The following TRRAP variants were observed in gnomAD, a reference collection of about 807,000 sequenced individuals.
TRRAP encodes transformation/transcription domain-associated protein.
TRRAP carries 41 observed loss-of-function variants against 438.8 expected under a neutral mutation model. The ratio of observed to expected loss-of-function variants is 0.09; its 90% CI spans 0.07 to 0.12. TRRAP has a LOEUF of 0.12. Ranked by LOEUF, TRRAP falls within the 10% of genes least tolerant of loss-of-function variation. TRRAP has a pLI of 1.00. For synonymous variants in TRRAP, 1,994 were observed against 1,962.9 expected (o/e 1.02, Z -0.42); for missense variants, 3,122 against 5,055.1 (o/e 0.62, Z 11.60).
chr7:98,973,025 G>A (rs1184406118), intron 53 of TRRAP, among the ~76,000 whole-genome samples: 1 of 152,128 alleles, frequency 6.6e-6, no homozygotes, highest in African/African-American at 2.4e-5. Flanking sequence ...TGTTGCTCAG[G>A]CTGGAGTATA....
At position 98,958,042 on chromosome 7, in the gene TRRAP, A is replaced by G. The variant is rs782276979; in HGVS notation, c.6293A>G (p.Lys2098Arg). The change falls in exon 44 of 73, where the codon AAG (lysine) becomes AGG (arginine). Residue 2098 changes from lysine to arginine, a missense_variant. By Grantham distance (26) the Lys-to-Arg change is conservative (BLOSUM62 2). Around this residue, in one of 24 missense-constraint regions of TRRAP, gnomAD observed 992 missense variants for 1,281.2 expected, o/e 0.77. Coordinates refer to ENST00000456197, the MANE Select transcript of TRRAP (RefSeq NM_001375524.1). ...ADSLLAKPID[K>R]QHTDTVVNFL... ...TCTCTCCTCGCCAAGCCCATTGACAAGCAGCACACAGACACTGTGGTGAAC... is the reference window on the plus strand; with the variant it reads ...TCTCTCCTCGCCAAGCCCATTGACAGGCAGCACACAGACACTGTGGTGAAC... 3 of 1,614,206 alleles carry G rather than the reference A, an allele frequency of 1.9e-6. No individual in the cohort carries two copies. The highest frequency in any genetic ancestry group is 1.1e-5 in the South Asian group (1 of 91,080).
Position 98,959,462 on chromosome 7 carries a change from A to C in TRRAP, c.6461A>C (p.Gln2154Pro). The change falls in exon 45 of 73, where the codon CAG becomes CCG. Residue 2154 changes from glutamine (Q) to proline (P), a missense_variant. Around this residue, in one of 24 missense-constraint regions of TRRAP, gnomAD observed 992 missense variants for 1,281.2 expected, o/e 0.77. Transcript: ENST00000456197. ...DMWPKSELKL[Q>P]WFDKLLMTVE... ...TGGCCCAAGTCCGAACTCAAGCTGC[A>C]GTGGTTCGACAAGCTGCTGATGACT... is the stretch of plus-strand genomic sequence containing the variant. 1 of 1,613,864 alleles carries C rather than the reference A, an allele frequency of 6.2e-7. No individual in the cohort carries two copies. Among genetic ancestry groups the C allele is most frequent in the Non-Finnish European group, 8.5e-7 (1 of 1,179,940 alleles).
intron 23 of TRRAP, 75 bp from the exon 24 acceptor site, chr7:98,929,914 C>G: frequency 2.0e-6 from 3 of 1,509,640 alleles, no homozygotes; most frequent in Non-Finnish European, 2.7e-6. Context: ...TTTCTAACTT[C>G]AAGGAAAACA....
Position 98,948,789 on chromosome 7 carries a change from C to T in TRRAP, c.4788+104C>T. 6.5e-7 allele frequency: 1 copy of T among 1,547,262 alleles called. No homozygotes were observed. Among genetic ancestry groups the T allele is most frequent in the Non-Finnish European group, 8.7e-7 (1 of 1,146,798 alleles). ...ATTTCACTATTCAGTGTCCTGGCTGCTTTTTTTTCAGATCCATTTGAATAT... is the reference window on the plus strand; with the variant it reads ...ATTTCACTATTCAGTGTCCTGGCTGTTTTTTTTTCAGATCCATTTGAATAT... On this transcript the variant is annotated intron_variant, in intron 35 of 72. Transcript: ENST00000456197. This position sits in a 1 kb window ranked among gnomAD's most constrained non-coding sequence, Gnocchi z 4.9.
chr7:98,890,800 TTTTTTA>T (rs1429797949), intron 4 of TRRAP, among the ~76,000 whole-genome samples: 3 of 129,224 alleles, frequency 2.3e-5, no homozygotes, highest in Non-Finnish European at 4.6e-5. Flanking sequence ...TTTTTTTTTT[TTTTTTA>T]AAAGACAAGG....
At chr7:98,893,503 T>G (rs1455080856) in intron 5 of TRRAP, among the ~76,000 whole-genome samples, 4 of 152,222 alleles carry the variant, frequency 2.6e-5, no homozygotes, top group African/African-American at 9.6e-5. Context: ...TTCACAATAT[T>G]GTCCAACAAT....
At chr7:98,955,042 C>G (rs1183636072) in intron 40 of TRRAP, 56 bp from the exon 41 acceptor site, 97 of 1,546,674 alleles carry the variant, frequency 6.3e-5, no homozygotes, top group Non-Finnish European at 8.2e-5. Context: ...GGATTGTCTT[C>G]TTATTTCTTA....
chr7:98,883,890 C>T (rs1338801386), intron 3 of TRRAP, among the ~76,000 whole-genome samples: 1 of 152,176 alleles, frequency 6.6e-6, no homozygotes, highest in Non-Finnish European at 1.5e-5. Flanking sequence ...TTATCTCCCT[C>T]GGAAGAATGT....
At chr7:98,931,756 A>G in intron 26 of TRRAP, 91 bp downstream of exon 26, 4 of 1,531,504 alleles carry the variant, frequency 2.6e-6, no homozygotes, top group Non-Finnish European at 3.5e-6. Flanking sequence ...TCCGTTTATA[A>G]TTTTGTGTCT....
Position 98,976,476 on chromosome 7 carries a change from G to A in TRRAP, c.7960-7G>A. The A allele has an allele frequency of 3.1e-6, 5 of 1,604,924 alleles. No individual in the cohort carries two copies. The highest frequency in any genetic ancestry group is 3.4e-6 in the Non-Finnish European group (4 of 1,177,498). On this transcript the variant is annotated splice_region_variant and splice_polypyrimidine_tract_variant and intron_variant, in intron 54 of 72. Coordinates refer to ENST00000456197, the MANE Select transcript of TRRAP (RefSeq NM_001375524.1). The surrounding 1 kb of genome is among the most constrained non-coding windows in gnomAD (Gnocchi z 4.6). The stretch of plus-strand genomic sequence containing the variant: ...GAAGGCCTAAATGACATGTGCTTTG[G>A]TTTCAGGCACTCGCGGGTGAGATAA...
intron 58 of TRRAP, 102 bp from the exon 59 acceptor site, chr7:98,981,667 G>GCATA: frequency 8.2e-7 from 1 of 1,218,092 alleles, no homozygotes; most frequent in Non-Finnish European, 1.1e-6. Flanking sequence ...GTATTGCCTT[G>GCATA]CATACCTAGT....
At chr7:98,906,396 TTTTTGTTTTATTTATTTA>T (rs1477328370) in intron 13 of TRRAP, 141 bp downstream of exon 13, 25 of 362,336 alleles carry the variant, frequency 6.9e-5, no homozygotes, top group Non-Finnish European at 9.4e-5. Flanking sequence ...AGGATTTTTG[TTTTTGTTTTATTTATTTA>T]TTTATTTATT....
chr7:98,892,810 C>T (rs1192593907), intron 5 of TRRAP, among the ~76,000 whole-genome samples: 1 of 152,216 alleles, frequency 6.6e-6, no homozygotes, highest in Non-Finnish European at 1.5e-5. Context: ...CGCAGACGCC[C>T]AGTGAGTGGC....
At chr7:98,892,554 C>T (rs373471505) in intron 5 of TRRAP, 26 bp downstream of exon 5, 44 of 1,521,282 alleles carry the variant, frequency 2.9e-5, no homozygotes, top group African/African-American at 2.4e-4. Flanking sequence ...TAATTCTTGT[C>T]GTATAGCCGT....
chr7:98,893,931 C>G (rs782019057), intron 6 of TRRAP, 50 bp downstream of exon 6: 3 of 1,568,862 alleles, frequency 1.9e-6, no homozygotes, highest in Non-Finnish European at 2.6e-6. Flanking sequence ...TCAACATGTT[C>G]CTTCTGTGAA....
chr7:98,926,167 G>A (rs367699696), intron 22 of TRRAP, among the ~76,000 whole-genome samples: 2 of 152,148 alleles, frequency 1.3e-5, no homozygotes, highest in South Asian at 2.1e-4. Context: ...GAGACATGAA[G>A]AGTAGAGGGA....
At position 98,948,663 on chromosome 7, in the gene TRRAP, C is replaced by G; in HGVS notation, c.4766C>G (p.Pro1589Arg). The change falls in exon 35 of 73, where the codon CCC becomes CGC. Residue 1589 changes from proline to arginine, a missense_variant. Pro to Arg is a moderately radical substitution (Grantham distance 103, BLOSUM62 -2). This residue lies in a region of TRRAP where 108 missense variants were observed against 256.9 expected (regional missense o/e 0.42). Transcript: ENST00000456197. The surrounding 1 kb of genome is among the most constrained non-coding windows in gnomAD (Gnocchi z 4.9). ...ATGATGGAAGCCACACTGAACGATC[C>G]CCAGTGGAGCAGAATGTTTATGGTA... ...LFMMEATLND[P>R]QWSRMFMSFL... 6.2e-7 allele frequency: 1 copy of G among 1,614,186 alleles called. No homozygotes were observed. The highest frequency in any genetic ancestry group is 1.1e-5 in the South Asian group (1 of 91,082).
intron 14 of TRRAP, among the ~76,000 whole-genome samples, chr7:98,909,243 C>T (rs1375522806): frequency 2.6e-5 from 4 of 152,064 alleles, no homozygotes; most frequent in African/African-American, 7.2e-5. Flanking sequence ...AGGCTGGTCT[C>T]GAACTCCTGG....
intron 5 of TRRAP, among the ~76,000 whole-genome samples, chr7:98,893,143 G>C (rs1554405195): frequency 1.3e-5 from 2 of 151,982 alleles, no homozygotes; most frequent in African/African-American, 4.8e-5. Flanking sequence ...GTAGAGATGG[G>C]GTTTCGCCAT....
Sources: gnomAD v4.1 joint callset for allele counts (sites outside exome capture counted in the v4.1 genomes callset) on GRCh38, gnomAD v4.1.1 for gene constraint, gnomAD v4.1.1 regional missense constraint, Gnocchi (gnomAD v3.1) non-coding constraint, MANE v1.5 for transcripts, NCBI Gene and HGNC (gene_info 2026-07-23, HGNC 2026-07-21) for gene names.